MDN1: variants seen among roughly 807,000 people sequenced by gnomAD.
MDN1 encodes midasin.
MDN1 carries 266 observed loss-of-function variants against 669.2 expected under a neutral mutation model. That is an observed-to-expected ratio of 0.40 (90% CI 0.36 to 0.44). MDN1 has a LOEUF of 0.44. MDN1 is among the 20% of genes least tolerant of loss of function. The pLI, the probability that MDN1 is intolerant of heterozygous loss-of-function variation, is 1.00. For missense variants in MDN1, 5,940 were observed against 6,754.0 expected, an observed-to-expected ratio of 0.88 and a Z score of 4.22; for synonymous variants, 2,385 against 2,457.1, an observed-to-expected ratio of 0.97 and a Z score of 0.87.
Position 89,708,587 on chromosome 6 carries a change from C to G in MDN1, c.7807G>C (p.Ala2603Pro), listed in dbSNP as rs754994041. Residue 2603 changes from alanine (A) to proline (P), a missense_variant, in exon 51 of 102, where the codon GCT (alanine) becomes CCT (proline). Physicochemically the swap from Ala to Pro is conservative, Grantham distance 27. Coordinates refer to ENST00000369393, the MANE Select transcript of MDN1 (RefSeq NM_014611.3). ...IPLDPRWNMQ[A>P]LDMIRNLMDF... ...ATCAAATTTCTAATCATGTCCAGAGCCTGCATATTCCATCGGGGATCCAGA... is the reference window on the plus strand; with the variant it reads ...ATCAAATTTCTAATCATGTCCAGAGGCTGCATATTCCATCGGGGATCCAGA... 2.9e-5 allele frequency: 46 copies of G among 1,613,842 alleles called. No individual in the cohort carries two copies. Among genetic ancestry groups the G allele is most frequent in the Non-Finnish European group, 3.8e-5 (45 of 1,179,876 alleles).
chr6:89,803,195 T>C (rs1767775762), intron 2 of MDN1, 133 bp downstream of exon 2: 2 of 773,570 alleles, frequency 2.6e-6, no homozygotes, highest in Non-Finnish European at 4.3e-6. Flanking sequence ...ACTCTTTTTA[T>C]AAAACAATAC....
Position 89,688,054 on chromosome 6 carries a change from TGA to T in MDN1, c.11355+22_11355+23del, listed in dbSNP as rs1206953715. On this transcript the variant is annotated intron_variant, in intron 67 of 101. Transcript: ENST00000369393. ...TTTGCCAACTGACCACCAACTAAAA[TGA>T]GGAAGAGAGGTATTAGCTCACCTGT... 1.9e-6 allele frequency: 3 copies of T among 1,588,468 alleles called. No individual in the cohort carries two copies. In the African/African-American group the frequency reaches 4.0e-5, roughly 21 times the overall value.
chr6:89,750,943 ATCATT>A (rs2128318855), intron 23 of MDN1, among the ~76,000 whole-genome samples: 1 of 151,172 alleles, frequency 6.6e-6, no homozygotes, highest in African/African-American at 2.4e-5. Context: ...GAATGACGAC[ATCATT>A]TAACAGCATC....
Position 89,758,244 on chromosome 6 carries a change from CAA to C in MDN1, c.2702+9_2702+10del. 1 of 1,598,036 alleles carries C rather than the reference CAA, an allele frequency of 6.3e-7. No homozygotes were observed. The highest frequency in any genetic ancestry group is 8.6e-7 in the Non-Finnish European group (1 of 1,169,174). ...GCAAAAAAGGAAAGTCTCCAAGAAC[CAA>C]ACCCTCACCTGTTTCTTATTCCTGG... On this transcript the variant is annotated intron_variant, in intron 19 of 101. Transcript: ENST00000369393.
intron 76 of MDN1, among the ~76,000 whole-genome samples, chr6:89,677,079 GA>G (rs1811246948): frequency 6.7e-6 from 1 of 149,614 alleles, no homozygotes; most frequent in Admixed American, 6.7e-5. Context: ...GGAAGAAAGA[GA>G]AAGAAAATAA....
At chr6:89,783,280 G>C (rs1562214707) in intron 9 of MDN1, among the ~76,000 whole-genome samples, 3 of 152,100 alleles carry the variant, frequency 2.0e-5, no homozygotes, top group East Asian at 1.9e-4. Context: ...GCATTCCCGG[G>C]GGGGAGGTCT....
At chr6:89,814,885 A>AC (rs974299924) in intron 1 of MDN1, 4 of 489,686 alleles carry the variant, frequency 8.2e-6, no homozygotes, top group African/African-American at 6.0e-5. Context: ...CCTCCTAGAA[A>AC]CCCCTAGAAA....
Position 89,678,743 on chromosome 6 carries a change from C to T in MDN1, c.12268G>A (p.Glu4090Lys). Residue 4090 changes from glutamate to lysine, a missense_variant and splice_region_variant, in exon 75 of 102, where the codon GAA becomes AAA. Around this residue, in one of 5 missense-constraint regions of MDN1, gnomAD observed 2,280 missense variants for 2,576.3 expected, o/e 0.88. Coordinates refer to ENST00000369393, the MANE Select transcript of MDN1 (RefSeq NM_014611.3). ...LVEGLDQFTG[E>K]VISSVSELQS... ...AGCTCACTCACAGAGGAAATCACTT[C>T]ACCTGTAAGGGAAAACAAGGCGGGG... 1.9e-6 allele frequency: 3 copies of T among 1,610,892 alleles called. No individual in the cohort carries two copies. Among genetic ancestry groups the T allele is most frequent in the Non-Finnish European group, 2.5e-6 (3 of 1,178,546 alleles).
chr6:89,748,224 G>C (rs956366343), intron 26 of MDN1, among the ~76,000 whole-genome samples: 6 of 152,154 alleles, frequency 3.9e-5, no homozygotes, highest in African/African-American at 9.7e-5. Flanking sequence ...TACTCAGGAG[G>C]CTGAGGCAGG....
chr6:89,790,715 T>C (rs989178416), intron 5 of MDN1, among the ~76,000 whole-genome samples: 2 of 151,266 alleles, frequency 1.3e-5, no homozygotes, highest in African/African-American at 4.9e-5. Context: ...GAAAAATAAA[T>C]AAATTTTTAA....
In MDN1 at chr6:89,692,677, A is replaced by G. The variant is rs771220024; in HGVS notation, c.10353T>C (p.Thr3451=). ...ACAAAGTGTCTGCATGAGCATAGTA[A>G]GTCGGGAAGGTGGGGCCCACCGATG... ...AFPSVGPTFP[T]YYAHADTLCS... is the part of the protein sequence containing the mutation. Residue 3451 remains threonine (T), a synonymous_variant, in exon 63 of 102, where the codon ACT becomes ACC. Coordinates refer to ENST00000369393, the MANE Select transcript of MDN1 (RefSeq NM_014611.3). 1.2e-6 allele frequency: 2 copies of G among 1,614,164 alleles called. No individual in the cohort carries two copies. Among genetic ancestry groups the G allele is most frequent in the African/African-American group, 2.7e-5 (2 of 75,038 alleles).
rs1186064771 is a variant in MDN1 at position 89,745,315 on chromosome 6, G to C, written c.4136C>G (p.Ala1379Gly). ...CAGCACAGGTTCACCAAATTCCAAT[G>C]CCCTTCCCACTAGCATCGCGAGTCT... ...MRRLAMLVGR[A>G]LEFGEPVLLV... The change falls in exon 29 of 102, where the codon GCA (alanine) becomes GGA (glycine). Residue 1379 changes from alanine (A) to glycine (G), a missense_variant. By Grantham distance (60) the Ala-to-Gly change is moderately conservative. Transcript: ENST00000369393. 3 of 1,613,750 alleles carry C rather than the reference G, an allele frequency of 1.9e-6. No homozygotes were observed. In the African/African-American group the frequency reaches 4.0e-5, roughly 22 times the overall value.
At chr6:89,661,946 C>T in intron 87 of MDN1, 141 bp downstream of exon 87, 1 of 969,848 alleles carries the variant, frequency 1.0e-6, no homozygotes, top group Non-Finnish European at 1.5e-6. Context: ...TTAAGAGCCT[C>T]TGTTGCATAT....
chr6:89,708,209 G>A (rs1302279213), intron 51 of MDN1, among the ~76,000 whole-genome samples: 1 of 152,080 alleles, frequency 6.6e-6, no homozygotes, highest in East Asian at 1.9e-4. Context: ...AGGCTGAGGT[G>A]GGAGGATGGC....
At chr6:89,670,751 C>T (rs929616319) in intron 83 of MDN1, among the ~76,000 whole-genome samples, 168 bp downstream of exon 83, 4 of 152,116 alleles carry the variant, frequency 2.6e-5, no homozygotes, top group African/African-American at 4.8e-5. Flanking sequence ...GTGGAAACAG[C>T]GTTAGCAAAA....
rs1814397184 is a variant in MDN1 at position 89,716,694 on chromosome 6, C to T, written c.6699G>A (p.Leu2233=). ...CCATCAGAAGCCAGTCTCCAGACTT[C>T]AGGGCCTGAACCAACATGCTGTCAA... ...EWVDSMLVQA[L]KSGDWLLMDN... Residue 2233 remains leucine, a synonymous_variant, in exon 44 of 102, where the codon CTG becomes CTA. Coordinates refer to ENST00000369393, the MANE Select transcript of MDN1 (RefSeq NM_014611.3). 2.5e-6 allele frequency: 4 copies of T among 1,613,916 alleles called. No individual in the cohort carries two copies. In the East Asian group the frequency reaches 6.7e-5, roughly 27 times the overall value.
At position 89,747,354 on chromosome 6, in the gene MDN1, G is replaced by A. The variant is rs776234258; in HGVS notation, c.3879C>T (p.Asp1293=). Residue 1293 remains aspartate, a synonymous_variant, in exon 27 of 102, where the codon GAC becomes GAT. Coordinates refer to ENST00000369393, the MANE Select transcript of MDN1 (RefSeq NM_014611.3). ...RLAEPTEKEY[D]WLQHLANDGY... ...CATCATTGGCTAAATGCTGTAGCCA[G>A]TCATACTCCTTCTCGGTCGGCTCAG... The A allele has an allele frequency of 9.9e-6, 16 of 1,614,042 alleles. No homozygotes were observed. The highest frequency in any genetic ancestry group is 1.3e-5 in the African/African-American group (1 of 75,042).
At chr6:89,780,033 TC>T (rs1293204139) in intron 11 of MDN1, among the ~76,000 whole-genome samples, 178 bp downstream of exon 11, 22 of 149,784 alleles carry the variant, frequency 1.5e-4, no homozygotes, top group Non-Finnish European at 2.8e-4. Context: ...GCCACTGCAC[TC>T]CAGCCTTGGG....
At position 89,683,885 on chromosome 6, in the gene MDN1, T is replaced by G. The variant is rs550199712; in HGVS notation, c.11849A>C (p.Lys3950Thr). ...KELKEFVKIS[K>T]WNDVSFWSIK... is the part of the protein sequence containing the mutation. The stretch of plus-strand genomic sequence containing the variant: ...GGACCAGAAGCTGACATCATTCCAC[T>G]TGGAAATCTTAACAAATTCCTGTAA... Residue 3950 changes from lysine to threonine, a missense_variant, in exon 72 of 102, where the codon AAG (lysine) becomes ACG (threonine). Physicochemically the swap from Lys to Thr is moderately conservative, Grantham distance 78. Around this residue, in one of 5 missense-constraint regions of MDN1, gnomAD observed 2,280 missense variants for 2,576.3 expected, o/e 0.88. Coordinates refer to ENST00000369393, the MANE Select transcript of MDN1 (RefSeq NM_014611.3). The G allele has an allele frequency of 1.9e-6, 3 of 1,613,054 alleles. No homozygotes were observed. The highest frequency in any genetic ancestry group is 2.5e-6 in the Non-Finnish European group (3 of 1,179,224).
Sources: allele counts gnomAD v4.1 joint callset (sites outside exome capture counted in the v4.1 genomes callset), GRCh38; gene constraint gnomAD v4.1.1; regional missense constraint gnomAD v4.1.1; transcripts MANE v1.5; gene names NCBI Gene and HGNC (gene_info 2026-07-23, HGNC 2026-07-21).